SLC5A4: variants seen among roughly 807,000 people sequenced by gnomAD.
The protein encoded by SLC5A4 is solute carrier family 5 member 4, also known as probable glucose sensor protein SLC5A4.
In SLC5A4, 55 loss-of-function variants were observed where a neutral mutation model predicts 70.3. That is an observed-to-expected ratio of 0.78 (90% CI 0.63 to 0.98). The LOEUF (loss-of-function observed/expected upper bound fraction) is 0.98. Ranked by LOEUF, SLC5A4 falls within the 50% of genes least tolerant of loss-of-function variation. The probability of loss-of-function intolerance (pLI) is 0.00; values close to 1 mark genes in which losing one functional copy is unlikely to be tolerated. For synonymous variants in SLC5A4, 268 were observed against 305.7 expected (o/e 0.88, Z 1.29); for missense variants, 735 against 839.2 (o/e 0.88, Z 1.53).
chr22:32,353,768 G>A, the SLC5A4 span, among the ~76,000 whole-genome samples: 180 of 144,088 alleles, frequency 1.2e-3, 1 homozygote, highest in Non-Finnish European at 5.2e-4. Flanking sequence ...AGTGCAGCCC[G>A]GGATAGCGCC....
chr22:32,323,911 A>G, the SLC5A4 span, among the ~76,000 whole-genome samples: 1 of 151,662 alleles, frequency 6.6e-6, no homozygotes, highest in Non-Finnish European at 1.5e-5. Flanking sequence ...TATGTTAAAG[A>G]GGTTGTCCAT....
At chr22:32,272,175 C>T in the SLC5A4 span, 2 of 730,662 alleles carry the variant, frequency 2.7e-6, no homozygotes, top group Non-Finnish European at 5.1e-6. Context: ...CGGGACCTGC[C>T]TCATGCAGGA....
the SLC5A4 span, among the ~76,000 whole-genome samples, chr22:32,346,256 T>C: frequency 6.6e-6 from 1 of 152,140 alleles, no homozygotes; most frequent in Non-Finnish European, 1.5e-5. Flanking sequence ...ACATAATTGT[T>C]TTAATGAAAA....
the SLC5A4 span, among the ~76,000 whole-genome samples, chr22:32,354,630 G>C: frequency 1.3e-5 from 2 of 151,380 alleles, no homozygotes; most frequent in Admixed American, 6.6e-5. Flanking sequence ...GTACAGCTTG[G>C]GATAGTGCTC....
chr22:32,309,637 A>C, the SLC5A4 span, among the ~76,000 whole-genome samples: 11,995 of 151,928 alleles, frequency 0.079, 671 homozygotes, highest in Admixed American at 0.16. Flanking sequence ...AGCCCTTGAC[A>C]CCACTGGGGG....
At chr22:32,346,326 G>T in the SLC5A4 span, among the ~76,000 whole-genome samples, 1 of 152,122 alleles carries the variant, frequency 6.6e-6, no homozygotes, top group Non-Finnish European at 1.5e-5. Flanking sequence ...CGCTACCAAT[G>T]ACTTTCTTCA....
chr22:32,311,185 A>C, the SLC5A4 span, among the ~76,000 whole-genome samples: 4 of 151,996 alleles, frequency 2.6e-5, no homozygotes, highest in African/African-American at 4.8e-5. Flanking sequence ...CCGGCAGAAC[A>C]CTCGCCGCCC....
chr22:32,339,100 C>T, the SLC5A4 span, among the ~76,000 whole-genome samples: 1 of 152,168 alleles, frequency 6.6e-6, no homozygotes, highest in Non-Finnish European at 1.5e-5. Flanking sequence ...GCAGGGTCAT[C>T]GCTGATTCAA....
the SLC5A4 span, among the ~76,000 whole-genome samples, chr22:32,353,882 C>G: frequency 1.3e-5 from 2 of 151,664 alleles, no homozygotes; most frequent in Non-Finnish European, 2.9e-5. Context: ...AACCGCCCCC[C>G]AACTGCGGGA....
chr22:32,299,832 T>C, the SLC5A4 span, among the ~76,000 whole-genome samples: 1 of 127,436 alleles, frequency 7.8e-6, no homozygotes, highest in East Asian at 2.1e-4. Flanking sequence ...GATGGGTTTT[T>C]GGTGTGGATG....
chr22:32,222,598 TA>T (rs1421441403), intron 13 of SLC5A4, among the ~76,000 whole-genome samples: 1 of 152,192 alleles, frequency 6.6e-6, no homozygotes, highest in Non-Finnish European at 1.5e-5. Flanking sequence ...TATATATATT[TA>T]AAAACTATGA....
the SLC5A4 span, among the ~76,000 whole-genome samples, chr22:32,337,704 ACT>A: frequency 2.4e-4 from 36 of 151,994 alleles, 2 homozygotes; most frequent in Admixed American, 6.5e-4. Flanking sequence ...GAGGGAGAAA[ACT>A]CTGATTTGTA....
At chr22:32,324,730 C>A in the SLC5A4 span, among the ~76,000 whole-genome samples, 102 of 152,296 alleles carry the variant, frequency 6.7e-4, 4 homozygotes, top group South Asian at 0.02. Flanking sequence ...GCTGTGTGAC[C>A]CTGGGCAAGT....
chr22:32,330,944 A>AGCTGTGGGTTGTATGCGG, the SLC5A4 span, among the ~76,000 whole-genome samples: 7 of 15,950 alleles, frequency 4.4e-4, no homozygotes, highest in African/African-American at 1.5e-3. Flanking sequence ...TATGTGTTGG[A>AGCTGTGGGTTGTATGCGG]GGCTCTGGTG....
chr22:32,309,862 C>A, the SLC5A4 span, among the ~76,000 whole-genome samples: 14 of 151,554 alleles, frequency 9.2e-5, no homozygotes, highest in African/African-American at 3.4e-4. Flanking sequence ...CTGCACTCTG[C>A]ACCTGCCTTT....
At chr22:32,248,833 A>T (rs1926981352) in intron 3 of SLC5A4, 31 bp from the exon 4 acceptor site, 1 of 1,484,354 alleles carries the variant, frequency 6.7e-7, no homozygotes, top group South Asian at 1.1e-5. Context: ...AGACAGTGAG[A>T]CATTAAAGAG....
chr22:32,332,208 G>A, the SLC5A4 span, among the ~76,000 whole-genome samples: 1 of 152,156 alleles, frequency 6.6e-6, no homozygotes, highest in East Asian at 1.9e-4. Context: ...CTCTCCTCGA[G>A]GGCACCCTTG....
At chr22:32,264,551 G>A in the SLC5A4 span, among the ~76,000 whole-genome samples, 1 of 152,022 alleles carries the variant, frequency 6.6e-6, no homozygotes, top group African/African-American at 2.4e-5. Context: ...AGCAGCAGTG[G>A]GCGACAGAGA....
At chr22:32,333,547 T>G in the SLC5A4 span, among the ~76,000 whole-genome samples, 1 of 152,082 alleles carries the variant, frequency 6.6e-6, no homozygotes, top group Non-Finnish European at 1.5e-5. Context: ...CAAGGCTGTG[T>G]GCACTGTGGC....
Sources: gnomAD v4.1 joint callset for allele counts (sites outside exome capture counted in the v4.1 genomes callset) on GRCh38, gnomAD v4.1.1 for gene constraint, MANE v1.5 for transcripts, NCBI Gene and HGNC (gene_info 2026-07-23, HGNC 2026-07-21) for gene names.